The following DHRS4L2 variants were observed in gnomAD, a reference collection of about 807,000 sequenced individuals.
The protein encoded by DHRS4L2 is dehydrogenase/reductase 4 like 2, also known as dehydrogenase/reductase SDR family member 4-like 2.
In DHRS4L2, 22 loss-of-function variants were observed where a neutral mutation model predicts 23.9. The observed-to-expected ratio is 0.92, with a 90% CI of 0.66 to 1.31. The LOEUF is 1.31. Ranked by LOEUF, DHRS4L2 falls within the 40% of genes most tolerant of loss-of-function variation. The probability of loss-of-function intolerance (pLI) is 0.00; values close to 1 mark genes in which losing one functional copy is unlikely to be tolerated. For missense variants in DHRS4L2, 385 were observed against 303.3 expected (o/e 1.27, Z -2.00); for synonymous variants, 141 against 123.7 (o/e 1.14, Z -0.93).
In DHRS4L2 at chr14:23,977,669, G is replaced by T. The variant is rs146153493; in HGVS notation, c.-176+7337G>T. 4.3e-3 allele frequency among the ~76,000 whole-genome samples: 647 copies of T among 151,696 alleles called. 8 individuals carry two copies. The highest frequency in any genetic ancestry group is 0.027 in the Middle Eastern group (8 of 294). On this transcript the variant is annotated intron_variant, in intron 1 of 5. Coordinates refer to the DHRS4L2 transcript ENST00000534993. ...TAACTTCTGTTCTCAAATTATAGATGAACTAGCTTTCTTATTTTTCTTCTT... is the reference window on the plus strand; with the variant it reads ...TAACTTCTGTTCTCAAATTATAGATTAACTAGCTTTCTTATTTTTCTTCTT...
intron 1 of DHRS4L2, among the ~76,000 whole-genome samples, chr14:23,972,349 G>T (rs1184483117): frequency 6.6e-6 from 1 of 151,908 alleles, no homozygotes; most frequent in Non-Finnish European, 1.5e-5. Context: ...AAGGCAGCAT[G>T]TCTGGAGTTG....
chr14:23,993,543 G>T (rs532800049), intron 2 of DHRS4L2, among the ~76,000 whole-genome samples: 1 of 151,560 alleles, frequency 6.6e-6, no homozygotes, highest in Non-Finnish European at 1.5e-5. Flanking sequence ...TGCCAGTTCC[G>T]GGCAAATGCA....
intron 2 of DHRS4L2, among the ~76,000 whole-genome samples, chr14:23,994,764 G>T (rs374561667): frequency 6.6e-6 from 1 of 151,754 alleles, no homozygotes; most frequent in Admixed American, 6.6e-5. Flanking sequence ...TTAAGAAATA[G>T]AAGTTATTTT....
At chr14:23,994,398 C>T (rs1181299380) in intron 2 of DHRS4L2, among the ~76,000 whole-genome samples, 1 of 151,616 alleles carries the variant, frequency 6.6e-6, no homozygotes, top group Non-Finnish European at 1.5e-5. Flanking sequence ...GAAAAGACTG[C>T]AAAAGAAATA....
At chr14:23,977,280 C>T (rs1237503878) in intron 1 of DHRS4L2, among the ~76,000 whole-genome samples, 1 of 151,584 alleles carries the variant, frequency 6.6e-6, no homozygotes, top group African/African-American at 2.4e-5. Flanking sequence ...TTTCCTATTG[C>T]CATCTGGATT....
upstream of DHRS4L2, among the ~76,000 whole-genome samples, chr14:23,985,110 G>A (rs1377179008): frequency 6.6e-6 from 1 of 151,570 alleles, no homozygotes; most frequent in African/African-American, 2.4e-5. Context: ...CAGCACCAGG[G>A]AGTAATTGCC....
rs1380461885 is a variant in DHRS4L2 at position 24,004,319 on chromosome 14, T to C, written c.666-18T>C. On this transcript the variant is annotated intron_variant, in intron 6 of 7. Coordinates refer to ENST00000335125, the MANE Select transcript of DHRS4L2 (RefSeq NM_198083.4). ...GAAAAGAAAAAAAAACATAAAGAGA[T>C]TTCCCTTCTTCCTACAGCTCTGGAT... 2.6e-6 allele frequency: 4 copies of C among 1,565,048 alleles called. No individual in the cohort carries two copies. Among genetic ancestry groups the C allele is most frequent in the Non-Finnish European group, 2.6e-6 (3 of 1,166,244 alleles).
intron 1 of DHRS4L2, among the ~76,000 whole-genome samples, chr14:23,975,005 A>G (rs2033939798): frequency 6.6e-6 from 1 of 151,786 alleles, no homozygotes; most frequent in South Asian, 2.1e-4. Flanking sequence ...TCCTCAATAA[A>G]ATACTGGCAA....
intron 1 of DHRS4L2, among the ~76,000 whole-genome samples, chr14:23,989,307 C>T (rs554757156): frequency 1.3e-5 from 2 of 151,832 alleles, no homozygotes; most frequent in African/African-American, 4.8e-5. Context: ...CTCTGTGCAG[C>T]CCCATCGATC....
intron 2 of DHRS4L2, among the ~76,000 whole-genome samples, chr14:23,992,524 C>A (rs2034290833): frequency 6.6e-6 from 1 of 151,274 alleles, no homozygotes; most frequent in Non-Finnish European, 1.5e-5. Flanking sequence ...ATCTGCACAC[C>A]ACGAAGCTTC....
chr14:24,005,865 C>T (rs904101521), intron 7 of DHRS4L2, 21 bp from the exon 8 acceptor site: 14 of 1,609,652 alleles, frequency 8.7e-6, no homozygotes, highest in African/African-American at 1.3e-5. Context: ...TACCTCCTTC[C>T]TTGCTTCCCT....
At chr14:23,987,339 C>G (rs1182969479), upstream of DHRS4L2, 5 of 245,196 alleles carry the variant, frequency 2.0e-5, no homozygotes, top group Non-Finnish European at 3.3e-5. Flanking sequence ...CCGTGTTAGC[C>G]AGGATGGACT....
Position 24,001,030 on chromosome 14 carries a change from C to T in DHRS4L2, c.480-3C>T. On this transcript the variant is annotated splice_polypyrimidine_tract_variant and splice_region_variant and intron_variant, in intron 4 of 7. Coordinates refer to ENST00000335125, the MANE Select transcript of DHRS4L2 (RefSeq NM_198083.4). ...AAGACGGTCAGCTCTCTTCTTTTTC[C>T]AGAGGCGGCTCAGTGGTGATCGTGT... 3.1e-6 allele frequency: 5 copies of T among 1,611,486 alleles called. No homozygotes were observed. The highest frequency in any genetic ancestry group is 4.2e-6 in the Non-Finnish European group (5 of 1,179,488).
intron 1 of DHRS4L2, among the ~76,000 whole-genome samples, chr14:23,978,040 A>G (rs2034000020): frequency 6.6e-6 from 1 of 151,664 alleles, no homozygotes; most frequent in South Asian, 2.1e-4. Context: ...ATGTTTCCAG[A>G]TGGTCCATCC....
At chr14:23,989,106 C>T (rs749340694) in intron 1 of DHRS4L2, 31 bp downstream of exon 1, 1 of 1,551,240 alleles carries the variant, frequency 6.4e-7, no homozygotes, top group Non-Finnish European at 8.7e-7. Context: ...TTCTGAGGCC[C>T]TGGCTGCCTG....
rs376916778 is a variant in DHRS4L2 at position 23,990,363 on chromosome 14, A to G, written c.306+4A>G. The G allele has an allele frequency of 3.2e-5, 52 of 1,608,346 alleles. 1 individual carries two copies. In the African/African-American group the frequency reaches 6.4e-4, roughly 20 times the overall value. On this transcript the variant is annotated splice_donor_region_variant and intron_variant, in intron 2 of 7. Coordinates refer to ENST00000335125, the MANE Select transcript of DHRS4L2 (RefSeq NM_198083.4). Reference sequence around the variant, plus strand: ...CCGGGAGCGGCTGGTGGCCATGGTGAGCTGCAGGGAAATGGGCACAGAGCC... The same window carrying G: ...CCGGGAGCGGCTGGTGGCCATGGTGGGCTGCAGGGAAATGGGCACAGAGCC...
intron 1 of DHRS4L2, among the ~76,000 whole-genome samples, chr14:23,989,525 G>C (rs61999796): frequency 1.3e-5 from 2 of 151,576 alleles, no homozygotes; most frequent in East Asian, 3.9e-4. Context: ...GCCATGTGTC[G>C]AGACTTTTTT....
At chr14:23,991,203 A>T (rs986587965) in intron 2 of DHRS4L2, among the ~76,000 whole-genome samples, 3 of 151,748 alleles carry the variant, frequency 2.0e-5, no homozygotes, top group Non-Finnish European at 4.4e-5. Context: ...GAAGAGGAGG[A>T]TCTTAAGCAA....
chr14:23,991,402 T>A (rs2034266224), intron 2 of DHRS4L2, among the ~76,000 whole-genome samples: 1 of 151,214 alleles, frequency 6.6e-6, no homozygotes, highest in African/African-American at 2.4e-5. Context: ...CGTTTGGGAG[T>A]CTGGATCAAT....
Sources: gnomAD v4.1 joint callset for allele counts (sites outside exome capture counted in the v4.1 genomes callset) on GRCh38, gnomAD v4.1.1 for gene constraint, MANE v1.5 for transcripts, NCBI Gene and HGNC (gene_info 2026-07-23, HGNC 2026-07-21) for gene names.